VLDLR: variants seen among roughly 807,000 people sequenced by gnomAD.
The protein encoded by VLDLR is very low density lipoprotein receptor.
In VLDLR, 81 loss-of-function variants were observed where a neutral mutation model predicts 112.7. The observed-to-expected ratio is 0.72, with a 90% CI of 0.60 to 0.86. The LOEUF is 0.86. Among genes scored for constraint, VLDLR ranks in the 40% least tolerant of loss-of-function variants. The pLI is 0.00. For synonymous variants in VLDLR, 436 were observed against 384.8 expected, an observed-to-expected ratio of 1.13 and a Z score of -1.56; for missense variants, 1,237 against 1,099.4, an observed-to-expected ratio of 1.13 and a Z score of -1.77.
intron 16 of VLDLR, 147 bp downstream of exon 16, chr9:2,651,645 A>T: frequency 1.1e-6 from 1 of 910,090 alleles, no homozygotes; most frequent in Non-Finnish European, 1.7e-6. Context: ...TAAAACTTGC[A>T]TATCTTTTCC....
Position 2,645,441 on chromosome 9 carries a change from C to T in VLDLR, c.1313-133C>T, listed in dbSNP as rs1818025413. The T allele has an allele frequency of 4.2e-5, 49 of 1,163,840 alleles. 1 individual carries two copies. In the South Asian group the frequency reaches 6.2e-4, roughly 15 times the overall value. 72.1% of individuals were successfully genotyped at this position (1,163,840 alleles called of 1,614,324 possible). On this transcript the variant is annotated intron_variant, in intron 9 of 18. Transcript: ENST00000382100. ...CACTTGCAGGTCCCAGGGGCAGGAACTCCAGAACAGATACTACTGAGGTAT... is the reference window on the plus strand; with the variant it reads ...CACTTGCAGGTCCCAGGGGCAGGAATTCCAGAACAGATACTACTGAGGTAT...
chr9:2,649,917 G>T (rs1818246224), intron 14 of VLDLR, among the ~76,000 whole-genome samples: 1 of 152,118 alleles, frequency 6.6e-6, no homozygotes, highest in Non-Finnish European at 1.5e-5. Flanking sequence ...ATTATCTCCT[G>T]CTGAAAACAC....
chr9:2,657,029 CCTT>C lies in VLDLR; in HGVS notation c.*3164_*3166del, dbSNP rs1343333093. 1.3e-5 allele frequency: 2 copies of C among 151,256 alleles called. No individual in the cohort carries two copies. The highest frequency in any genetic ancestry group is 4.9e-5 in the African/African-American group (2 of 41,136). 9.4% of individuals were successfully genotyped at this position (151,256 alleles called of 1,614,324 possible). On this transcript the variant is annotated 3_prime_UTR_variant, in exon 19 of 19. Coordinates refer to ENST00000382100, the MANE Select transcript of VLDLR (RefSeq NM_003383.5). ...CTTGTATCTGTGGAAGTCAAGTAGC[CCTT>C]CTCAAAAATGAGAAGCCAAGCTTTA...
rs1057522727 is a variant in VLDLR at position 2,647,558 on chromosome 9, A to G, written c.1788A>G (p.Thr596=). 4 of 1,614,208 alleles carry G rather than the reference A, an allele frequency of 2.5e-6. No individual in the cohort carries two copies. The South Asian group carries it at 4.4e-5, about 18-fold the overall frequency. Residue 596 remains threonine (T), a synonymous_variant, in exon 12 of 19, where the codon ACA becomes ACG. Transcript: ENST00000382100. The part of the protein sequence containing the change: ...MNGFDRRPLV[T]ADIQWPNGIT... ...GATTCGATAGACGTCCACTGGTGAC[A>G]GCGGATATCCAGTGGCCTAACGGAA...
intron 7 of VLDLR, among the ~76,000 whole-genome samples, chr9:2,644,251 C>G (rs762375026): frequency 2.7e-5 from 4 of 148,688 alleles, no homozygotes; most frequent in Non-Finnish European, 4.4e-5. Flanking sequence ...CTCTGCCTCC[C>G]GGGTTCAAGC....
intron 7 of VLDLR, 53 bp from the exon 8 acceptor site, chr9:2,644,681 A>G (rs1327730528): frequency 1.2e-6 from 2 of 1,612,820 alleles, no homozygotes; most frequent in Non-Finnish European, 1.7e-6. Flanking sequence ...TTTAAATGTG[A>G]AAGATATTAA....
chr9:2,651,882 G>T lies in VLDLR; in HGVS notation c.2344G>T (p.Val782Leu). ...CTTTTATTCCTCTGTAGGGATCAAT[G>T]TGACCACAGCAGTATCAGAGGTCAG... The part of the protein sequence containing the change: ...TSGLVPGGIN[V>L]TTAVSEVSVP... Residue 782 changes from valine to leucine, a missense_variant, in exon 17 of 19, where the codon GTG becomes TTG. Coordinates refer to ENST00000382100, the MANE Select transcript of VLDLR (RefSeq NM_003383.5). The T allele has an allele frequency of 8.1e-6, 13 of 1,614,038 alleles. No individual in the cohort carries two copies. The highest frequency in any genetic ancestry group is 1.0e-5 in the Non-Finnish European group (12 of 1,179,928).
Position 2,621,846 on chromosome 9 carries a change from T to G in VLDLR, c.-344T>G, listed in dbSNP as rs1424494239. 3.8e-6 allele frequency: 2 copies of G among 526,438 alleles called. No homozygotes were observed. The highest frequency in any genetic ancestry group is 3.1e-5 in the South Asian group (2 of 64,392). 32.6% of individuals were successfully genotyped at this position (526,438 alleles called of 1,614,324 possible). On this transcript the variant is annotated 5_prime_UTR_variant, in exon 1 of 19. Transcript: ENST00000382100. Reference sequence around the variant, plus strand: ...CCGCTACCGGCTCCTCTCCGTTCTGTGCTCTCTTCTGCTCTCGGCTCCCCA... The same window carrying G: ...CCGCTACCGGCTCCTCTCCGTTCTGGGCTCTCTTCTGCTCTCGGCTCCCCA...
intron 1 of VLDLR, among the ~76,000 whole-genome samples, chr9:2,633,974 T>G (rs1278817032): frequency 6.6e-6 from 1 of 152,080 alleles, no homozygotes; most frequent in Non-Finnish European, 1.5e-5. Context: ...CCTAGTATAT[T>G]ACAACCAATA....
rs755900840 is a variant in VLDLR, at chr9:2,643,348, G to A, written c.637G>A (p.Asp213Asn). 20 of 1,613,988 alleles carry A rather than the reference G, an allele frequency of 1.2e-5. No homozygotes were observed. Among genetic ancestry groups the A allele is most frequent in the African/African-American group, 4.0e-5 (3 of 74,918 alleles). ...CTGCATCCCCATCAGCTGGGTATGC[G>A]ACGATGATGCAGACTGCTCCGACCA... ...SSCIPISWVC[D>N]DDADCSDQSD... The change falls in exon 5 of 19, where the codon GAC becomes AAC. Residue 213 changes from aspartate to asparagine, a missense_variant. Transcript: ENST00000382100.
chr9:2,660,003 A>C lies in VLDLR; in HGVS notation c.*6135A>C, dbSNP rs142621194. ...CAGAGTCCTGATGACCTGTCAATAA[A>C]CTTTTTTTTACTAATGAACTGTACA... On this transcript the variant is annotated 3_prime_UTR_variant, in exon 19 of 19. Coordinates refer to ENST00000382100, the MANE Select transcript of VLDLR (RefSeq NM_003383.5). 174 of 152,218 alleles carry C rather than the reference A, an allele frequency of 1.1e-3. No homozygotes were observed. The highest frequency in any genetic ancestry group is 4.0e-3 in the African/African-American group (167 of 41,516). 9.4% of individuals were successfully genotyped at this position (152,218 alleles called of 1,614,324 possible). A position where few individuals can be genotyped will look rare whatever the true frequency, so the allele number is the denominator to read the frequency against.
Position 2,644,743 on chromosome 9 carries a change from A to C in VLDLR, c.1076A>C (p.Glu359Ala). 1 of 1,614,156 alleles carries C rather than the reference A, an allele frequency of 6.2e-7. No individual in the cohort carries two copies. The highest frequency in any genetic ancestry group is 8.5e-7 in the Non-Finnish European group (1 of 1,180,036). The change falls in exon 8 of 19, where the codon GAA (glutamate) becomes GCA (alanine). Residue 359 changes from glutamate (E) to alanine (A), a missense_variant. Glu to Ala is a moderately radical substitution (Grantham distance 107). Transcript: ENST00000382100. ...TACATTTTTATTCCAGATATAAACG[A>C]ATGCTTGGTAAATAATGGTGGATGT... ...DEPLKECHIN[E>A]CLVNNGGCSH...
At position 2,650,445 on chromosome 9, in the gene VLDLR, ATCAC is replaced by A; in HGVS notation, c.2183_2186del (p.His728LeufsTer14). 6.2e-7 allele frequency: 1 copy of A among 1,614,160 alleles called. No homozygotes were observed. Among genetic ancestry groups the A allele is most frequent in the Non-Finnish European group, 8.5e-7 (1 of 1,180,024 alleles). On this transcript the variant is annotated frameshift_variant, in exon 15 of 19. Coordinates refer to ENST00000382100, the MANE Select transcript of VLDLR (RefSeq NM_003383.5). LOFTEE classifies it high-confidence loss of function. ...TGCCTGCCAGCACCACAGATTAATG[ATCAC>A]TCTCCAAAATATACCTGTTCCTGTC...
At chr9:2,646,078 G>A (rs1751052121) in intron 10 of VLDLR, among the ~76,000 whole-genome samples, 1 of 151,848 alleles carries the variant, frequency 6.6e-6, no homozygotes. Context: ...CTCAGATGAT[G>A]GATACTGAAA....
chr9:2,622,955 C>T (rs990714113), intron 1 of VLDLR, among the ~76,000 whole-genome samples: 2 of 152,072 alleles, frequency 1.3e-5, no homozygotes, highest in African/African-American at 4.8e-5. Context: ...TCTCCCTTTT[C>T]CCCGCCTCGG....
At position 2,656,163 on chromosome 9, in the gene VLDLR, C is replaced by T. The variant is rs1356879883; in HGVS notation, c.*2295C>T. The T allele has an allele frequency of 2.6e-5, 4 of 151,136 alleles. No homozygotes were observed. Among genetic ancestry groups the T allele is most frequent in the African/African-American group, 9.9e-5 (4 of 40,500 alleles). The allele number at this position is 151,136 out of a possible 1,614,324, so 9.4% of individuals were successfully genotyped here. A position where few individuals can be genotyped will look rare whatever the true frequency, so the allele number is the denominator to read the frequency against. On this transcript the variant is annotated 3_prime_UTR_variant, in exon 19 of 19. Coordinates refer to ENST00000382100, the MANE Select transcript of VLDLR (RefSeq NM_003383.5). ...TGTTCTGGGTAAAATTTCCAACCCT[C>T]AAAGAGTCTAAAACGTCTCATTTTT...
intron 1 of VLDLR, among the ~76,000 whole-genome samples, chr9:2,627,285 T>A (rs1228735363): frequency 6.6e-6 from 1 of 152,238 alleles, no homozygotes; most frequent in African/African-American, 2.4e-5. Context: ...ACTTAGACTT[T>A]AATTTCAAAA....
Position 2,648,824 on chromosome 9 carries a change from G to A in VLDLR, c.2104+14G>A. ...TACAGCCATCAGGTACCGTGGAGAAGCACAGTCCTTAATAACTACTTTAAG... is the reference window on the plus strand; with the variant it reads ...TACAGCCATCAGGTACCGTGGAGAAACACAGTCCTTAATAACTACTTTAAG... On this transcript the variant is annotated intron_variant, in intron 14 of 18. Coordinates refer to ENST00000382100, the MANE Select transcript of VLDLR (RefSeq NM_003383.5). The A allele has an allele frequency of 1.2e-6, 2 of 1,614,108 alleles. No individual in the cohort carries two copies. The highest frequency in any genetic ancestry group is 1.3e-5 in the African/African-American group (1 of 75,034).
chr9:2,647,876 G>A, intron 12 of VLDLR: 1 of 571,968 alleles, frequency 1.7e-6, no homozygotes. Context: ...GGGCATGAGT[G>A]CCTTAGCATT....
Sources: allele counts gnomAD v4.1 joint callset (sites outside exome capture counted in the v4.1 genomes callset), GRCh38; gene constraint gnomAD v4.1.1; transcripts MANE v1.5; gene names NCBI Gene and HGNC (gene_info 2026-07-23, HGNC 2026-07-21).